TRIML2: variants seen among roughly 807,000 people sequenced by gnomAD.
TRIML2 encodes probable E3 ubiquitin-protein ligase TRIML2.
Under a neutral mutation model 31.2 loss-of-function variants are expected in TRIML2, and 28 were observed. The ratio of observed to expected loss-of-function variants is 0.90; its 90% CI spans 0.66 to 1.23. TRIML2 has a LOEUF of 1.23. Among genes scored for constraint, TRIML2 ranks in the 50% most tolerant of loss-of-function variants. The probability of loss-of-function intolerance (pLI) is 0.00; values close to 1 mark genes in which losing one functional copy is unlikely to be tolerated. For missense variants in TRIML2, 536 were observed against 528.3 expected (o/e 1.01, Z -0.14); for synonymous variants, 187 against 197.5 (o/e 0.95, Z 0.45).
rs182577395 is a variant in TRIML2 at position 188,093,095 on chromosome 4, T to C, written c.746-1154A>G. 8.0e-4 allele frequency: 274 copies of C among 340,932 alleles called. 1 individual carries two copies. The highest frequency in any genetic ancestry group is 5.5e-3 in the African/African-American group (257 of 46,588). The allele number at this position is 340,932 out of a possible 1,614,324, so 21.1% of individuals were successfully genotyped here. ...CAAAATGGAACTTCAACGCCAGCCC[T>C]CTGCAGTCTCTACTTCTCAGTTCAC... On this transcript the variant is annotated intron_variant, in intron 7 of 7. Transcript: ENST00000682553.
At chr4:188,098,210 A>C in intron 5 of TRIML2, 1 of 453,336 alleles carries the variant, frequency 2.2e-6, no homozygotes, top group South Asian at 1.6e-5. Context: ...CTTACCATAG[A>C]CTGAGTAGCT....
intron 4 of TRIML2, among the ~76,000 whole-genome samples, chr4:188,100,064 C>T (rs531222337): frequency 4.5e-4 from 68 of 152,054 alleles, no homozygotes; most frequent in Non-Finnish European, 9.4e-4. Context: ...GAGAACATTC[C>T]TTATTCATAT....
At chr4:188,092,051 C>A in intron 7 of TRIML2, 110 bp from the exon 8 acceptor site, 6 of 1,152,368 alleles carry the variant, frequency 5.2e-6, no homozygotes, top group Non-Finnish European at 7.3e-6. Flanking sequence ...AGTCCCAGGC[C>A]CAGATACGGG....
At chr4:188,093,992 G>T (rs1579167178) in intron 7 of TRIML2, among the ~76,000 whole-genome samples, 1 of 152,084 alleles carries the variant, frequency 6.6e-6, no homozygotes, top group East Asian at 1.9e-4. Flanking sequence ...TCGGGAGGTT[G>T]AGGCAGGAGA....
At chr4:188,098,943 T>C (rs1413418445) in intron 5 of TRIML2, 92 bp downstream of exon 5, 1 of 1,399,256 alleles carries the variant, frequency 7.1e-7, no homozygotes, top group Non-Finnish European at 9.7e-7. Flanking sequence ...CATTGGATAT[T>C]GTGTTCTGAC....
At chr4:188,098,270 G>T in intron 5 of TRIML2, 1 of 455,270 alleles carries the variant, frequency 2.2e-6, no homozygotes, top group South Asian at 1.6e-5. Context: ...CGAATTTCAA[G>T]ATCAAGGCAC....
chr4:188,095,354 A>T (rs537281642), intron 7 of TRIML2, among the ~76,000 whole-genome samples: 25 of 152,320 alleles, frequency 1.6e-4, no homozygotes, highest in African/African-American at 5.8e-4. Context: ...CCATGCTGGG[A>T]GGAAATATTT....
At chr4:188,107,168 C>A (rs1046702620) in intron 1 of TRIML2, among the ~76,000 whole-genome samples, 4 of 152,014 alleles carry the variant, frequency 2.6e-5, no homozygotes, top group African/African-American at 9.7e-5. Context: ...GCGCGTGAAA[C>A]CACACCCAGC....
At chr4:188,108,274 C>T (rs962526610) in intron 1 of TRIML2, among the ~76,000 whole-genome samples, 3 of 152,076 alleles carry the variant, frequency 2.0e-5, no homozygotes, top group Non-Finnish European at 4.4e-5. Context: ...CAATCTCCTG[C>T]CCAATTCCCA....
chr4:188,091,507 T>G lies in TRIML2; in HGVS notation c.1180A>C (p.Asn394His), dbSNP rs772381982. The G allele has an allele frequency of 1.2e-6, 2 of 1,614,116 alleles. No individual in the cohort carries two copies. The highest frequency in any genetic ancestry group is 1.7e-6 in the Non-Finnish European group (2 of 1,180,036). The change falls in exon 8 of 8, where the codon AAT becomes CAT. Residue 394 changes from asparagine to histidine, a missense_variant. Coordinates refer to ENST00000682553, the MANE Select transcript of TRIML2 (RefSeq NM_173553.4). Reference sequence around the variant, plus strand: ...CCTTGGAAGGCGCAATGGGAGAAATTGTAAATGAGGGACATCTCGGTCACA... The same window carrying G: ...CCTTGGAAGGCGCAATGGGAGAAATGGTAAATGAGGGACATCTCGGTCACA... ...YNVTEMSLIY[N>H]FSHCAFQGAL...
chr4:188,091,947 AG>A lies in TRIML2; in HGVS notation c.746-7del. The A allele has an allele frequency of 1.2e-6, 2 of 1,601,892 alleles. No homozygotes were observed. The highest frequency in any genetic ancestry group is 1.7e-6 in the Non-Finnish European group (2 of 1,176,292). On this transcript the variant is annotated splice_polypyrimidine_tract_variant and splice_region_variant and intron_variant, in intron 7 of 7. Coordinates refer to ENST00000682553, the MANE Select transcript of TRIML2 (RefSeq NM_173553.4). Reference sequence around the variant, plus strand: ...AGGATCCAATGTTAAATGTCCTATCAGGAGAGAAAACCCTCGTTAACCTAGG... The same window carrying A: ...AGGATCCAATGTTAAATGTCCTATCAGAGAGAAAACCCTCGTTAACCTAGG...
rs753439996 is a variant in TRIML2 at position 188,105,277 on chromosome 4, T to C, written c.92A>G (p.Asp31Gly). Residue 31 changes from aspartate (D) to glycine (G), a missense_variant, in exon 2 of 8, where the codon GAT becomes GGT. Transcript: ENST00000682553. ...GCTGCAGAGTGTGATTTGGTCAACA[T>C]CACAGAACAGCCGTGTTGGTTCCAG... Reference protein sequence around the residue: ...THLEPTRLFCDVDQITLCSKC... With the variant: ...THLEPTRLFCGVDQITLCSKC... 6.8e-6 allele frequency: 11 copies of C among 1,612,866 alleles called. No homozygotes were observed. Among genetic ancestry groups the C allele is most frequent in the Non-Finnish European group, 9.3e-6 (11 of 1,178,918 alleles).
At chr4:188,106,594 C>T (rs1012353626) in intron 1 of TRIML2, 4 of 156,484 alleles carry the variant, frequency 2.6e-5, no homozygotes, top group African/African-American at 7.2e-5. Flanking sequence ...GCTACACGCC[C>T]TCCAGGTGAC....
chr4:188,100,720 C>CA (rs755715317), intron 4 of TRIML2, among the ~76,000 whole-genome samples: 8 of 151,512 alleles, frequency 5.3e-5, no homozygotes, highest in South Asian at 4.2e-4. Context: ...GACTCTGTCT[C>CA]AAAAAAAAGA....
chr4:188,104,842 T>C lies in TRIML2; in HGVS notation c.280A>G (p.Ile94Val). 1 of 1,613,514 alleles carries C rather than the reference T, an allele frequency of 6.2e-7. No homozygotes were observed. The change falls in exon 3 of 8, where the codon ATT becomes GTT. Residue 94 changes from isoleucine (I) to valine (V), a missense_variant. Ile to Val is a conservative substitution (Grantham distance 29). Transcript: ENST00000682553. ...CAAGATAAGCACTCACTGACCTGAA[T>C]CATCGCCATTCTTTCTTGCTCATCA... ...LTDEQERMAM[I>V]QEEEQNFKKM...
intron 7 of TRIML2, 22 bp from the exon 8 acceptor site, chr4:188,091,963 G>T (rs191226255): frequency 6.3e-7 from 1 of 1,590,196 alleles, no homozygotes; most frequent in Non-Finnish European, 8.5e-7. Flanking sequence ...GAAAACCCTC[G>T]TTAACCTAGG....
intron 7 of TRIML2, among the ~76,000 whole-genome samples, chr4:188,092,542 T>A (rs1258567261): frequency 2.0e-5 from 3 of 152,070 alleles, no homozygotes; most frequent in African/African-American, 7.2e-5. Context: ...CCAAGTTCCA[T>A]CCAGATATCA....
chr4:188,097,678 T>C (rs1402957368), intron 5 of TRIML2, among the ~76,000 whole-genome samples: 1 of 152,146 alleles, frequency 6.6e-6, no homozygotes, highest in East Asian at 1.9e-4. Context: ...AAGGGGCCAC[T>C]GGCTGGGAGG....
chr4:188,096,198 A>G (rs1733502289), intron 7 of TRIML2, among the ~76,000 whole-genome samples: 1 of 152,064 alleles, frequency 6.6e-6, no homozygotes, highest in Admixed American at 6.6e-5. Context: ...CAGGAGTTCA[A>G]GACCAGCCTG....
Sources: allele counts gnomAD v4.1 joint callset (sites outside exome capture counted in the v4.1 genomes callset), GRCh38; gene constraint gnomAD v4.1.1; transcripts MANE v1.5; gene names NCBI Gene and HGNC (gene_info 2026-07-23, HGNC 2026-07-21).